The following BAHCC1 variants were observed in gnomAD, a reference collection of about 807,000 sequenced individuals.
BAHCC1 encodes the protein BAH domain and coiled-coil containing 1, also known as BAH and coiled-coil domain-containing protein 1.
In BAHCC1, 43 loss-of-function variants were observed where a neutral mutation model predicts 88.2. The observed-to-expected ratio is 0.49, with a 90% CI of 0.38 to 0.63. The LOEUF (loss-of-function observed/expected upper bound fraction) is 0.63, where lower values mean the gene tolerates loss of function less well. Among genes scored for constraint, BAHCC1 ranks in the 20% least tolerant of loss-of-function variants. The pLI is 0.00. For synonymous variants in BAHCC1, 1,510 were observed against 745.5 expected (o/e 2.03, Z -16.71); for missense variants, 3,023 against 1,654.8 (o/e 1.83, Z -14.34).
chr17:81,438,567 A>T (rs531679458), intron 4 of BAHCC1, 75 bp downstream of exon 4: 6 of 714,432 alleles, frequency 8.4e-6, no homozygotes, highest in Non-Finnish European at 1.6e-5. Context: ...CTTCTGGGGC[A>T]CAAGGGAAAG....
chr17:81,424,103 C>T (rs967048083), intron 2 of BAHCC1, among the ~76,000 whole-genome samples: 4 of 152,220 alleles, frequency 2.6e-5, no homozygotes, highest in Admixed American at 6.5e-5. Context: ...CTTCCTCTGT[C>T]CCCCGCCCTC....
rs999032174 is a variant in BAHCC1 at position 81,426,909 on chromosome 17, C to G, written c.288C>G (p.Ser96=). The G allele has an allele frequency of 6.0e-5, 24 of 398,834 alleles. No individual in the cohort carries two copies. The highest frequency in any genetic ancestry group is 9.7e-5 in the Non-Finnish European group (22 of 226,360). 24.7% of individuals were successfully genotyped at this position (398,834 alleles called of 1,614,324 possible). The stretch of plus-strand genomic sequence containing the variant: ...CGCACCCCAGCGGCCCCAGCTCCTC[C>G]CCCCCTGAGCAGGCCTACCGTGGCT... ...ASTHPSGPSS[S]PPEQAYRGSH... Residue 96 remains serine, a synonymous_variant, in exon 3 of 28, where the codon TCC becomes TCG. Coordinates refer to ENST00000675386, the MANE Select transcript of BAHCC1 (RefSeq NM_001377448.1).
In BAHCC1 at chr17:81,435,837, A is replaced by G. The variant is rs2064328047; in HGVS notation, c.359-2533A>G. On this transcript the variant is annotated intron_variant, in intron 3 of 27. Transcript: ENST00000675386. The surrounding 1 kb of genome is among the most constrained non-coding windows in gnomAD (Gnocchi z 4.4). Reference sequence around the variant, plus strand: ...CCACTCCTCAGTGGCAGCCCCTTCCAGGATGCCTGTGTGTCCCCGGCCCAG... The same window carrying G: ...CCACTCCTCAGTGGCAGCCCCTTCCGGGATGCCTGTGTGTCCCCGGCCCAG... 6.6e-6 allele frequency among the ~76,000 whole-genome samples: 1 copy of G among 150,400 alleles called. No homozygotes were observed. The highest frequency in any genetic ancestry group is 6.6e-5 in the Admixed American group (1 of 15,162).
At chr17:81,408,204 C>G (rs2063904907) in intron 2 of BAHCC1, among the ~76,000 whole-genome samples, 1 of 152,210 alleles carries the variant, frequency 6.6e-6, no homozygotes, top group South Asian at 2.1e-4. Context: ...AGATCAATTC[C>G]AGTGCGTGGC....
chr17:81,462,681 G>T, intron 26 of BAHCC1, 59 bp from the exon 27 acceptor site: 1 of 706,286 alleles, frequency 1.4e-6, no homozygotes, highest in South Asian at 1.6e-5. Flanking sequence ...CCTCCTGGCC[G>T]CCACCTGTCC....
intron 1 of BAHCC1, among the ~76,000 whole-genome samples, chr17:81,398,483 C>T (rs2143141944): frequency 6.6e-6 from 1 of 151,870 alleles, no homozygotes; most frequent in East Asian, 1.9e-4. Flanking sequence ...CCCGCGTACC[C>T]AGGCCGCCCG....
intron 2 of BAHCC1, among the ~76,000 whole-genome samples, chr17:81,419,264 G>A (rs941348906): frequency 2.6e-5 from 4 of 152,148 alleles, no homozygotes; most frequent in Non-Finnish European, 4.4e-5. Flanking sequence ...TCCCCACCCC[G>A]TCCCTCATTC....
intron 2 of BAHCC1, among the ~76,000 whole-genome samples, chr17:81,405,143 C>T (rs1296781146): frequency 1.3e-5 from 2 of 152,176 alleles, no homozygotes; most frequent in Non-Finnish European, 2.9e-5. Flanking sequence ...CACTGCCTCA[C>T]TGCAACCTCT....
Position 81,464,305 on chromosome 17 carries a change from C to A in BAHCC1, c.*488C>A. The A allele has an allele frequency of 5.3e-6, 1 of 188,646 alleles. No homozygotes were observed. The highest frequency in any genetic ancestry group is 1.1e-5 in the Non-Finnish European group (1 of 88,644). The allele number at this position is 188,646 out of a possible 1,614,324, so 11.7% of individuals were successfully genotyped here. A position where few individuals can be genotyped will look rare whatever the true frequency, so the allele number is the denominator to read the frequency against. On this transcript the variant is annotated 3_prime_UTR_variant, in exon 28 of 28. Transcript: ENST00000675386. ...GTGTGTGTGAGCGTGTATGTGTGTG[C>A]GCGTGTGTGGCGATTTTTGTCCTGG...
intron 1 of BAHCC1, among the ~76,000 whole-genome samples, chr17:81,398,819 C>T (rs2063772881): frequency 6.6e-6 from 1 of 151,338 alleles, no homozygotes; most frequent in Non-Finnish European, 1.5e-5. Flanking sequence ...TAGCGCGATG[C>T]TGGGGACAGG....
chr17:81,445,901 G>A (rs1030040230), intron 10 of BAHCC1, among the ~76,000 whole-genome samples: 2 of 152,260 alleles, frequency 1.3e-5, no homozygotes, highest in South Asian at 2.1e-4. Flanking sequence ...CTTCCTGGCC[G>A]TGGGCTGACG....
At chr17:81,443,777 CCT>C (rs1568019869) in intron 5 of BAHCC1, 30 bp from the exon 6 acceptor site, 3 of 705,412 alleles carry the variant, frequency 4.3e-6, no homozygotes, top group Non-Finnish European at 7.8e-6. Context: ...CCGCCCCAAC[CCT>C]CTCCCGTCTG....
chr17:81,437,021 G>A (rs2143477663), intron 3 of BAHCC1, among the ~76,000 whole-genome samples: 1 of 152,386 alleles, frequency 6.6e-6, no homozygotes, highest in South Asian at 2.1e-4. Flanking sequence ...GATCCACTGA[G>A]CCAGAGAGGA....
intron 2 of BAHCC1, among the ~76,000 whole-genome samples, chr17:81,413,562 T>G (rs1040267972): frequency 1.3e-5 from 2 of 152,180 alleles, no homozygotes; most frequent in Non-Finnish European, 2.9e-5. Context: ...TCCACGCAGG[T>G]GCAGTATCGT....
Position 81,406,470 on chromosome 17 carries a change from A to T in BAHCC1, c.178+6553A>T, listed in dbSNP as rs566576844. Among the ~76,000 whole-genome samples, 3 of 152,252 alleles carry T rather than the reference A, an allele frequency of 2.0e-5. No individual in the cohort carries two copies. The East Asian group carries it at 5.8e-4, about 29-fold the overall frequency. On this transcript the variant is annotated intron_variant, in intron 2 of 27. Transcript: ENST00000675386. ...CCCTCACCGAAGACACAGTGTAACA[A>T]GCAAAAAAAACATCAGAGCCAGCGT...
In BAHCC1 at chr17:81,445,648, C is replaced by A; in HGVS notation, c.3130C>A (p.Gln1044Lys). The change falls in exon 10 of 28, where the codon CAG becomes AAG. Residue 1044 changes from glutamine (Q) to lysine (K), a missense_variant. Transcript: ENST00000675386. ...SAEEKNGEGQ[Q>K]STADIITSEP... ...CGAGGAAAAGAATGGGGAGGGTCAG[C>A]AGTCCACGGCCGACATCATCACATC... The A allele has an allele frequency of 1.4e-6, 1 of 733,330 alleles. No individual in the cohort carries two copies. The highest frequency in any genetic ancestry group is 2.5e-6 in the Non-Finnish European group (1 of 394,752). 45.4% of individuals were successfully genotyped at this position (733,330 alleles called of 1,614,324 possible).
chr17:81,422,688 C>T (rs1393204714), intron 2 of BAHCC1: 3 of 351,466 alleles, frequency 8.5e-6, no homozygotes, highest in Non-Finnish European at 1.7e-5. Context: ...GTGTCCTGCC[C>T]CCACCTGATG....
intron 2 of BAHCC1, among the ~76,000 whole-genome samples, chr17:81,420,443 A>G (rs782095754): frequency 2.0e-5 from 3 of 152,206 alleles, no homozygotes; most frequent in Non-Finnish European, 4.4e-5. Context: ...ACCCTGGGAC[A>G]GCAGGTCCAG....
intron 2 of BAHCC1, among the ~76,000 whole-genome samples, chr17:81,420,304 G>A (rs968750915): frequency 6.6e-6 from 1 of 152,196 alleles, no homozygotes; most frequent in Admixed American, 6.5e-5. Context: ...AAGCCCATGT[G>A]GCCAGCTCTC....
Sources: gnomAD v4.1 joint callset for allele counts (sites outside exome capture counted in the v4.1 genomes callset) on GRCh38, gnomAD v4.1.1 for gene constraint, Gnocchi (gnomAD v3.1) non-coding constraint, MANE v1.5 for transcripts, NCBI Gene and HGNC (gene_info 2026-07-23, HGNC 2026-07-21) for gene names.